The following ZNF44 variants were observed in gnomAD, a reference collection of about 807,000 sequenced individuals.
The protein encoded by ZNF44 is zinc finger protein 44.
In ZNF44, 9 loss-of-function variants were observed where a neutral mutation model predicts 11.7. The ratio of observed to expected loss-of-function variants is 0.77; its 90% CI spans 0.46 to 1.35. ZNF44 has a LOEUF of 1.35. ZNF44 is among the 40% of genes most tolerant of loss of function. The pLI, the probability that ZNF44 is intolerant of heterozygous loss-of-function variation, is 0.00. For missense variants in ZNF44, 696 were observed against 743.1 expected (o/e 0.94, Z 0.74); for synonymous variants, 224 against 242.7 (o/e 0.92, Z 0.72).
At chr19:12,274,565 C>T (rs921912399) in intron 3 of ZNF44, among the ~76,000 whole-genome samples, 12 of 150,912 alleles carry the variant, frequency 8.0e-5, no homozygotes, top group Admixed American at 4.6e-4. Context: ...TAAGCCACTG[C>T]GCCTGGCCTT....
At chr19:12,257,107 T>G (rs879887784) in intron 5 of ZNF44, among the ~76,000 whole-genome samples, 1 of 152,076 alleles carries the variant, frequency 6.6e-6, no homozygotes, top group African/African-American at 2.4e-5. Flanking sequence ...GCTACTGAGG[T>G]TCCCTGAATA....
chr19:12,287,435 T>C (rs1967811774), intron 1 of ZNF44, among the ~76,000 whole-genome samples: 2 of 152,014 alleles, frequency 1.3e-5, no homozygotes. Flanking sequence ...AGGATGGTCT[T>C]GATCTCCTGA....
intron 5 of ZNF44, among the ~76,000 whole-genome samples, chr19:12,255,224 TTATC>T (rs1294940475): frequency 6.6e-6 from 1 of 151,372 alleles, no homozygotes; most frequent in Non-Finnish European, 1.5e-5. Context: ...ATATAATCAA[TTATC>T]TAAGCATGTG....
At chr19:12,248,379 C>A in exon 8 of ZNF44, 1 of 1,291,390 alleles carries the variant, frequency 7.7e-7, no homozygotes, top group Non-Finnish European at 1.0e-6. Context: ...TATCCCTGCA[C>A]TGTGTGTTCT....
chr19:12,254,568 A>G (rs1167338753), intron 5 of ZNF44, among the ~76,000 whole-genome samples: 1 of 152,012 alleles, frequency 6.6e-6, no homozygotes, highest in Non-Finnish European at 1.5e-5. Context: ...CCCTGTCTCT[A>G]CTAAAAATAC....
intron 1 of ZNF44, among the ~76,000 whole-genome samples, chr19:12,279,926 T>C (rs1217281196): frequency 6.7e-6 from 1 of 148,514 alleles, no homozygotes; most frequent in Non-Finnish European, 1.5e-5. Flanking sequence ...TCAGATTGTG[T>C]GTGTGTGTGT....
intron 1 of ZNF44, among the ~76,000 whole-genome samples, chr19:12,287,489 C>A (rs527778495): frequency 6.6e-6 from 1 of 152,178 alleles, no homozygotes; most frequent in Non-Finnish European, 1.5e-5. Context: ...GCTGGGATTA[C>A]AAGCGTGAGA....
intron 2 of ZNF44, among the ~76,000 whole-genome samples, chr19:12,234,378 G>T (rs1205562248): frequency 2.0e-5 from 3 of 151,804 alleles, no homozygotes; most frequent in African/African-American, 7.3e-5. Context: ...TCCCCTCAAG[G>T]GATTTTCCTC....
At chr19:12,289,001 A>G (rs2145766665) in intron 1 of ZNF44, among the ~76,000 whole-genome samples, 1 of 151,740 alleles carries the variant, frequency 6.6e-6, no homozygotes, top group African/African-American at 2.4e-5. Context: ...CTCTGAACAA[A>G]ATGCTTCCAA....
intron 5 of ZNF44, among the ~76,000 whole-genome samples, chr19:12,258,691 G>A (rs8104674): frequency 0.089 from 13,545 of 152,058 alleles, 628 homozygotes; most frequent in Non-Finnish European, 0.098. Flanking sequence ...TTAGATGGGC[G>A]TGGTGGCAAG....
chr19:12,250,024 C>T (rs1449332188), exon 7 of ZNF44: 1 of 1,283,966 alleles, frequency 7.8e-7, no homozygotes, highest in South Asian at 1.3e-5. Flanking sequence ...ATGTTCCATT[C>T]TTTTTGTTTT....
downstream of ZNF44, among the ~76,000 whole-genome samples, chr19:12,225,778 G>A (rs1320496697): frequency 6.6e-6 from 1 of 152,178 alleles, no homozygotes; most frequent in Non-Finnish European, 1.5e-5. Context: ...AGTATTTGAT[G>A]AGGTAGGGGT....
chr19:12,290,929 C>T (rs1398010480), intron 1 of ZNF44: 2 of 187,334 alleles, frequency 1.1e-5, no homozygotes, highest in African/African-American at 4.8e-5. Flanking sequence ...CCCTTTCATG[C>T]CTTACGTGGA....
chr19:12,252,469 A>C (rs1350086697), intron 5 of ZNF44, among the ~76,000 whole-genome samples: 3 of 152,242 alleles, frequency 2.0e-5, no homozygotes, highest in Admixed American at 6.5e-5. Flanking sequence ...GCAATAGAAA[A>C]GGCATAAGTG....
At chr19:12,291,189 A>G (rs1967992717) in intron 1 of ZNF44, 1 of 442,998 alleles carries the variant, frequency 2.3e-6, no homozygotes, top group Non-Finnish European at 4.5e-6. Context: ...ATGTTGCATT[A>G]ATCTGCCAAG....
chr19:12,292,857 T>G (rs1295590549), intron 1 of ZNF44, among the ~76,000 whole-genome samples: 1 of 15,682 alleles, frequency 6.4e-5, no homozygotes, highest in East Asian at 7.0e-4. Flanking sequence ...GAGGTTAGGT[T>G]TTTTTTTTTT....
intron 3 of ZNF44, among the ~76,000 whole-genome samples, chr19:12,229,688 A>C (rs1916075541): frequency 6.6e-6 from 1 of 151,010 alleles, no homozygotes; most frequent in South Asian, 2.1e-4. Flanking sequence ...ATCTCTGCTC[A>C]CTGCAAGCTC....
chr19:12,292,363 T>C (rs952762196), intron 1 of ZNF44, among the ~76,000 whole-genome samples: 20 of 151,220 alleles, frequency 1.3e-4, no homozygotes, highest in African/African-American at 4.6e-4. Flanking sequence ...ATATATAATT[T>C]GTTTTCTGAA....
At position 12,274,018 on chromosome 19, in the gene ZNF44, C is replaced by G. The variant is rs752472229; in HGVS notation, c.237G>C (p.Gln79His). 2 of 1,613,876 alleles carry G rather than the reference C, an allele frequency of 1.2e-6. No individual in the cohort carries two copies. The highest frequency in any genetic ancestry group is 1.7e-6 in the Non-Finnish European group (2 of 1,179,826). Residue 79 changes from glutamine (Q) to histidine (H), a missense_variant, in exon 4 of 4, where the codon CAG becomes CAC. Coordinates refer to ENST00000355684, the MANE Select transcript of ZNF44 (RefSeq NM_016264.4). Reference sequence around the variant, plus strand: ...GAATCTGGCTTAAGGTTTCTCCACACTGACTACCATCTTTACTTTTACCAA... The same window carrying G: ...GAATCTGGCTTAAGGTTTCTCCACAGTGACTACCATCTTTACTTTTACCAA... ...ERFGKSKDGS[Q>H]CGETLSQIRN... is the part of the protein sequence containing the mutation.
Sources: gnomAD v4.1 joint callset for allele counts (sites outside exome capture counted in the v4.1 genomes callset) on GRCh38, gnomAD v4.1.1 for gene constraint, MANE v1.5 for transcripts, NCBI Gene and HGNC (gene_info 2026-07-23, HGNC 2026-07-21) for gene names.